Variants in IL18R1 observed in about 807,000 individuals in gnomAD.
IL18R1 encodes interleukin 18 receptor 1, also known as interleukin-18 receptor 1.
IL18R1 carries 40 observed loss-of-function variants against 48.5 expected under a neutral mutation model. That is an observed-to-expected ratio of 0.82 (90% CI 0.64 to 1.07). The LOEUF (loss-of-function observed/expected upper bound fraction) is 1.07. Ranked by LOEUF, IL18R1 falls within the 50% of genes least tolerant of loss-of-function variation. The probability of loss-of-function intolerance (pLI) is 0.00; values close to 1 mark genes in which losing one functional copy is unlikely to be tolerated. For missense variants in IL18R1, 596 were observed against 633.7 expected, an observed-to-expected ratio of 0.94 and a Z score of 0.64; for synonymous variants, 232 against 225.9, an observed-to-expected ratio of 1.03 and a Z score of -0.24.
intron 2 of IL18R1, 35 bp from the exon 3 acceptor site, chr2:102,367,790 G>GT: frequency 6.4e-7 from 1 of 1,571,196 alleles, no homozygotes; most frequent in South Asian, 1.1e-5. Flanking sequence ...TTTGGTTTTT[G>GT]TTTTTATTTA....
chr2:102,363,022 C>A, intron 2 of IL18R1: 2 of 209,340 alleles, frequency 9.6e-6, no homozygotes, highest in Non-Finnish European at 1.9e-5. Flanking sequence ...GGCAAAGATT[C>A]ATCTCATTAT....
intron 3 of IL18R1, among the ~76,000 whole-genome samples, chr2:102,371,214 G>A (rs952147298): frequency 1.3e-5 from 2 of 151,912 alleles, no homozygotes; most frequent in African/African-American, 4.8e-5. Context: ...TAGTAGAGAC[G>A]GAGTTTCACC....
chr2:102,394,648 G>A, intron 10 of IL18R1, 21 bp downstream of exon 10: 1 of 1,567,138 alleles, frequency 6.4e-7, no homozygotes. Context: ...ATGCCAGATA[G>A]AAAAATATTC....
chr2:102,356,268 C>T lies in IL18R1; in HGVS notation c.-161C>T. On this transcript the variant is annotated 5_prime_UTR_variant, in exon 1 of 11. Coordinates refer to ENST00000233957, the MANE Select transcript of IL18R1 (RefSeq NM_003855.5). ...TATCTCTTTAATCACACCTCTCTTT[C>T]ACTTTCCACGGTAGTCAGGAGGCGG... is the stretch of plus-strand genomic sequence containing the variant. The T allele has an allele frequency of 2.5e-6, 2 of 815,032 alleles. No homozygotes were observed. The highest frequency in any genetic ancestry group is 2.9e-6 in the Non-Finnish European group (2 of 678,894). The allele number at this position is 815,032 out of a possible 1,614,324, so 50.5% of individuals were successfully genotyped here. A position where few individuals can be genotyped will look rare whatever the true frequency, so the allele number is the denominator to read the frequency against.
In IL18R1 at chr2:102,396,523, A is replaced by G. The variant is rs766068811; in HGVS notation, c.1271-8A>G. Reference sequence around the variant, plus strand: ...CTTAAATTAATAGGGGTTATCTTGCATTTTCAGCTGTTGTTGATGAAATCC... The same window carrying G: ...CTTAAATTAATAGGGGTTATCTTGCGTTTTCAGCTGTTGTTGATGAAATCC... On this transcript the variant is annotated splice_polypyrimidine_tract_variant and splice_region_variant and intron_variant, in intron 10 of 10. Transcript: ENST00000233957. 2.6e-6 allele frequency: 4 copies of G among 1,528,756 alleles called. No individual in the cohort carries two copies. In the Admixed American group the frequency reaches 7.5e-5, roughly 29 times the overall value. 94.7% of individuals were successfully genotyped at this position (1,528,756 alleles called of 1,614,324 possible).
intron 3 of IL18R1, among the ~76,000 whole-genome samples, chr2:102,369,951 G>A (rs577892940): frequency 2.0e-5 from 3 of 152,320 alleles, no homozygotes; most frequent in Admixed American, 1.3e-4. Context: ...GAAGGTAGAG[G>A]GAAATGTACA....
chr2:102,396,982 A>G lies in IL18R1; in HGVS notation c.*96A>G, dbSNP rs1680862001. The G allele has an allele frequency of 4.1e-6, 3 of 723,152 alleles. No individual in the cohort carries two copies. The highest frequency in any genetic ancestry group is 6.8e-6 in the Non-Finnish European group (3 of 443,496). 44.8% of individuals were successfully genotyped at this position (723,152 alleles called of 1,614,324 possible). The stretch of plus-strand genomic sequence containing the variant: ...ACAAAGGCTGTGACTCGAAATAATT[A>G]ACTTTGTCAAAATCCTGCTCACAAT... On this transcript the variant is annotated 3_prime_UTR_variant, in exon 11 of 11. Coordinates refer to ENST00000233957, the MANE Select transcript of IL18R1 (RefSeq NM_003855.5).
intron 3 of IL18R1, among the ~76,000 whole-genome samples, chr2:102,371,023 G>A (rs11465600): frequency 7.8e-5 from 11 of 140,452 alleles, no homozygotes; most frequent in African/African-American, 2.9e-4. Context: ...ATACTGTATT[G>A]TTTTCCAATT....
intron 10 of IL18R1, among the ~76,000 whole-genome samples, chr2:102,396,146 T>G (rs1476997872): frequency 6.6e-6 from 1 of 152,102 alleles, no homozygotes; most frequent in East Asian, 1.9e-4. Flanking sequence ...TCCACTTGGG[T>G]TTAGATTCTG....
intron 5 of IL18R1, among the ~76,000 whole-genome samples, chr2:102,380,286 G>A (rs1679842617): frequency 6.6e-6 from 1 of 152,202 alleles, no homozygotes; most frequent in African/African-American, 2.4e-5. Flanking sequence ...TATAATTTGA[G>A]TGTTAGTAGA....
At position 102,392,139 on chromosome 2, in the gene IL18R1, A is replaced by T. The variant is rs112868194; in HGVS notation, c.1111+1922A>T. The stretch of plus-strand genomic sequence containing the variant: ...CTTAACCTCAAGTTATACAAAAATT[A>T]TATTAGTTCCTCTGAGATTTTTATA... On this transcript the variant is annotated intron_variant, in intron 9 of 10. Transcript: ENST00000233957. Among the ~76,000 whole-genome samples, 236 of 152,348 alleles carry T rather than the reference A, an allele frequency of 1.5e-3. 3 individuals are homozygous for T. The highest frequency in any genetic ancestry group is 5.4e-3 in the African/African-American group (225 of 41,584).
At position 102,356,342 on chromosome 2, in the gene IL18R1, A is replaced by T; in HGVS notation, c.-87A>T. 1.0e-6 allele frequency: 1 copy of T among 984,652 alleles called. No homozygotes were observed. The highest frequency in any genetic ancestry group is 1.2e-6 in the Non-Finnish European group (1 of 829,816). The allele number at this position is 984,652 out of a possible 1,614,324, so 61.0% of individuals were successfully genotyped here. ...TCTGAACTTGGCCTCCGCAGTCGCGACCTGGCGTGAAGGAGGAGCTGCCGC... is the reference window on the plus strand; with the variant it reads ...TCTGAACTTGGCCTCCGCAGTCGCGTCCTGGCGTGAAGGAGGAGCTGCCGC... On this transcript the variant is annotated 5_prime_UTR_variant, in exon 1 of 11. Coordinates refer to ENST00000233957, the MANE Select transcript of IL18R1 (RefSeq NM_003855.5).
intron 3 of IL18R1, among the ~76,000 whole-genome samples, chr2:102,368,749 T>C (rs1679060966): frequency 1.3e-5 from 2 of 152,152 alleles, no homozygotes; most frequent in Admixed American, 6.5e-5. Flanking sequence ...CATGTTTCTT[T>C]TTAGATGTAC....
At chr2:102,362,760 T>A in intron 2 of IL18R1, 42 bp downstream of exon 2, 1 of 1,295,754 alleles carries the variant, frequency 7.7e-7, no homozygotes. Context: ...TCATGAGTAA[T>A]TGAGGAAGAA....
At chr2:102,388,347 C>T (rs1449573468) in intron 8 of IL18R1, among the ~76,000 whole-genome samples, 1 of 152,216 alleles carries the variant, frequency 6.6e-6, no homozygotes, top group African/African-American at 2.4e-5. Flanking sequence ...GGTGAAGAAA[C>T]TTGCCCAGGG....
At chr2:102,365,818 G>T (rs1678861819) in intron 2 of IL18R1, among the ~76,000 whole-genome samples, 1 of 152,210 alleles carries the variant, frequency 6.6e-6, no homozygotes, top group African/African-American at 2.4e-5. Flanking sequence ...TGTGGAAGCT[G>T]CCAAGGTTTG....
At chr2:102,364,345 C>T (rs1191663230) in intron 2 of IL18R1, among the ~76,000 whole-genome samples, 1 of 152,134 alleles carries the variant, frequency 6.6e-6, no homozygotes, top group Middle Eastern at 3.2e-3. Flanking sequence ...TACTACATTA[C>T]AATGAGAAAA....
chr2:102,391,692 G>A (rs960766434), intron 9 of IL18R1, among the ~76,000 whole-genome samples: 5 of 152,162 alleles, frequency 3.3e-5, no homozygotes, highest in Non-Finnish European at 7.4e-5. Context: ...GCCTTCAAAA[G>A]ATGACAGCAA....
At chr2:102,396,263 C>T (rs1377903011) in intron 10 of IL18R1, among the ~76,000 whole-genome samples, 10 of 151,666 alleles carry the variant, frequency 6.6e-5, no homozygotes, top group African/African-American at 1.5e-4. Context: ...TTCTCTGTAG[C>T]GTATTATGAT....
Sources: allele counts gnomAD v4.1 joint callset (sites outside exome capture counted in the v4.1 genomes callset), GRCh38; gene constraint gnomAD v4.1.1; transcripts MANE v1.5; gene names NCBI Gene and HGNC (gene_info 2026-07-23, HGNC 2026-07-21).